The following PABIR3 variants were observed in gnomAD, a reference collection of about 807,000 sequenced individuals.
PABIR3 encodes PABIR family member 1.
A neutral mutation model predicts 23.1 loss-of-function variants in PABIR3; 20 were observed. That is an observed-to-expected ratio of 0.86 (90% confidence interval 0.61 to 1.26). The LOEUF is 1.26. PABIR3 is among the 50% of genes most tolerant of loss of function. The pLI is 0.00. For missense variants in PABIR3, 189 were observed against 195.4 expected (o/e 0.97, Z 0.20); for synonymous variants, 69 against 68.5 (o/e 1.01, Z -0.04).
At chrX:134,851,168 T>C (rs2082619638) in intron 9 of PABIR3, among the ~76,000 whole-genome samples, 3 of 109,389 alleles carry the variant, frequency 2.7e-5, no homozygotes, top group Non-Finnish European at 5.7e-5. Context: ...TGAAGTGAGA[T>C]CAAGATTAGA....
chrX:134,806,786 T>C (rs2080259774), upstream of PABIR3, among the ~76,000 whole-genome samples: 1 of 107,901 alleles, frequency 9.3e-6, no homozygotes, highest in Admixed American at 9.9e-5. Context: ...ATCTTTTTTT[T>C]TTTTTTTTTT....
intron 4 of PABIR3, 43 bp downstream of exon 4, chrX:134,829,325 T>G: frequency 9.4e-7 from 1 of 1,066,971 alleles, no homozygotes; most frequent in Non-Finnish European, 1.3e-6. Flanking sequence ...TTTAAAAAAG[T>G]AAATTTTATT....
intron 1 of PABIR3, 35 bp downstream of exon 1, chrX:134,807,376 A>T: frequency 1.0e-6 from 1 of 981,430 alleles, no homozygotes; most frequent in South Asian, 4.4e-5. Flanking sequence ...GGCCCCGATC[A>T]TGGGAGATAG....
At chrX:134,840,167 C>T (rs948237501) in intron 4 of PABIR3, among the ~76,000 whole-genome samples, 2 of 110,820 alleles carry the variant, frequency 1.8e-5, no homozygotes, top group African/African-American at 6.6e-5. Context: ...GCAGCGTGCT[C>T]GTTAAGAGTC....
downstream of PABIR3, among the ~76,000 whole-genome samples, chrX:134,856,854 T>C (rs1222700874): frequency 2.7e-5 from 3 of 110,118 alleles, no homozygotes; most frequent in Admixed American, 9.7e-5. Flanking sequence ...CTACTAAAAA[T>C]ACAAGATACT....
At chrX:134,852,921 A>G in intron 10 of PABIR3, 25 bp downstream of exon 10, 1 of 1,012,337 alleles carries the variant, frequency 9.9e-7, no homozygotes, top group Non-Finnish European at 1.3e-6. Context: ...GAGATTTTAA[A>G]CATTCATTGA....
intron 1 of PABIR3, among the ~76,000 whole-genome samples, chrX:134,801,887 C>T (rs774203432): frequency 4.9e-4 from 52 of 106,500 alleles, no homozygotes; most frequent in African/African-American, 1.8e-3. Flanking sequence ...TTACATTTGT[C>T]TCAGCGTTTT....
chrX:134,803,968 T>C (rs1828414686), upstream of PABIR3: 1 of 199,922 alleles, frequency 5.0e-6, no homozygotes, highest in Non-Finnish European at 9.1e-6. Flanking sequence ...GTTTGTGGTT[T>C]GTAGATTTGG....
intron 6 of PABIR3, 77 bp from the exon 7 acceptor site, chrX:134,847,306 C>T: frequency 1.3e-6 from 1 of 752,209 alleles, no homozygotes; most frequent in Non-Finnish European, 2.0e-6. Context: ...ACTCACTTCC[C>T]TGTGCAACAG....
intron 4 of PABIR3, among the ~76,000 whole-genome samples, chrX:134,840,253 C>T (rs1229801317): frequency 9.0e-6 from 1 of 110,977 alleles, no homozygotes; most frequent in Non-Finnish European, 1.9e-5. Context: ...CCTAGGAAAA[C>T]CAGAGACCTT....
chrX:134,813,657 G>A (rs753743155), intron 2 of PABIR3, among the ~76,000 whole-genome samples: 28 of 111,687 alleles, frequency 2.5e-4, no homozygotes, highest in African/African-American at 8.8e-4. Context: ...GCCGGGCACC[G>A]CTGGGATCTG....
At position 134,832,812 on chromosome X, in the gene PABIR3, T is replaced by G. The variant is rs368870520; in HGVS notation, c.246+3530T>G. 6 of 112,212 alleles carry G rather than the reference T, an allele frequency of 5.3e-5. No homozygotes were observed. In the East Asian group the frequency reaches 1.1e-3, roughly 21 times the overall value. 9.2% of individuals were successfully genotyped at this position (112,212 alleles called of 1,213,427 possible). ...ACTTAGGCTGCTTCCAAATCTTAGG[T>G]ATTGTAAACAGTGCTGCAATAAACA... On this transcript the variant is annotated intron_variant, in intron 4 of 10. Transcript: ENST00000645433.
At chrX:134,832,232 G>A (rs1336962745) in intron 4 of PABIR3, among the ~76,000 whole-genome samples, 2 of 107,516 alleles carry the variant, frequency 1.9e-5, no homozygotes, top group African/African-American at 3.4e-5. Flanking sequence ...CCGAGATCGC[G>A]CCACTGCACT....
At chrX:134,859,648 C>G (rs1365081031), downstream of PABIR3, among the ~76,000 whole-genome samples, 2 of 111,754 alleles carry the variant, frequency 1.8e-5, no homozygotes, top group East Asian at 5.6e-4. Context: ...AAACATCATC[C>G]CAATACAAAT....
chrX:134,813,474 A>G (rs916976739), intron 2 of PABIR3, among the ~76,000 whole-genome samples: 1 of 112,132 alleles, frequency 8.9e-6, no homozygotes, highest in Non-Finnish European at 1.9e-5. Flanking sequence ...GTAAAATCTA[A>G]AATACTGGCA....
rs2082726317 is a variant in PABIR3 at position 134,854,147 on chromosome X, C to T, written c.743C>T (p.Ser248Leu). Residue 248 changes from serine to leucine, a missense_variant, in exon 11 of 11, where the codon TCG becomes TTG. Physicochemically the swap from Ser to Leu is moderately radical, Grantham distance 145. Coordinates refer to ENST00000645433, the MANE Select transcript of PABIR3 (RefSeq NM_001388447.1). Reference sequence around the variant, plus strand: ...AGCAATGCTGGATCTTCTGGTAATTCGTCAGCTGAAATCGGCACTGTCACA... The same window carrying T: ...AGCAATGCTGGATCTTCTGGTAATTTGTCAGCTGAAATCGGCACTGTCACA... ...NDSNAGSSGN[S>L]SAEIGTVTNS... The T allele has an allele frequency of 1.7e-6, 2 of 1,210,764 alleles. No individual in the cohort carries two copies. The highest frequency in any genetic ancestry group is 2.2e-6 in the Non-Finnish European group (2 of 894,917).
intron 9 of PABIR3, among the ~76,000 whole-genome samples, chrX:134,852,350 C>A (rs1010540723): frequency 9.0e-6 from 1 of 110,790 alleles, no homozygotes; most frequent in African/African-American, 3.3e-5. Flanking sequence ...TGGTTTGCAC[C>A]TGTAATCCCA....
intron 1 of PABIR3, among the ~76,000 whole-genome samples, chrX:134,797,922 C>G (rs1270916127): frequency 9.2e-6 from 1 of 109,139 alleles, no homozygotes; most frequent in Non-Finnish European, 1.9e-5. Context: ...TGGGTTCAAG[C>G]GATTCTCTTG....
intron 8 of PABIR3, among the ~76,000 whole-genome samples, chrX:134,848,737 C>T (rs1035010335): frequency 8.9e-6 from 1 of 111,932 alleles, no homozygotes; most frequent in Non-Finnish European, 1.9e-5. Flanking sequence ...CATGGTGGCT[C>T]ACACCTGTAA....
Sources: allele counts gnomAD v4.1 joint callset (sites outside exome capture counted in the v4.1 genomes callset), GRCh38; gene constraint gnomAD v4.1.1; transcripts MANE v1.5; gene names NCBI Gene and HGNC (gene_info 2026-07-23, HGNC 2026-07-21).